TRERF1: variants seen among roughly 807,000 people sequenced by gnomAD.
The protein encoded by TRERF1 is transcriptional-regulating factor 1.
A neutral mutation model predicts 122.9 loss-of-function variants in TRERF1; 27 were observed. That is an observed-to-expected ratio of 0.22 (90% CI 0.16 to 0.30). TRERF1 has a LOEUF of 0.30. Ranked by LOEUF, TRERF1 falls within the 10% of genes least tolerant of loss-of-function variation. The pLI is 1.00. For missense variants in TRERF1, 1,248 were observed against 1,560.3 expected, an observed-to-expected ratio of 0.80 and a Z score of 3.37; for synonymous variants, 636 against 641.7, an observed-to-expected ratio of 0.99 and a Z score of 0.13.
chr6:42,285,203 T>C (rs1277599348), intron 4 of TRERF1, among the ~76,000 whole-genome samples: 1 of 152,162 alleles, frequency 6.6e-6, no homozygotes, highest in Non-Finnish European at 1.5e-5. Context: ...TTCACATCCC[T>C]TGTAAGTTGG....
At chr6:42,250,208 T>C (rs1298932430) in intron 13 of TRERF1, among the ~76,000 whole-genome samples, 1 of 152,176 alleles carries the variant, frequency 6.6e-6, no homozygotes, top group Non-Finnish European at 1.5e-5. Context: ...GTTTTGAACC[T>C]TCACTGGCCA....
intron 13 of TRERF1, among the ~76,000 whole-genome samples, chr6:42,249,525 G>A (rs2149660895): frequency 6.6e-6 from 1 of 152,274 alleles, no homozygotes; most frequent in African/African-American, 2.4e-5. Context: ...AACCTCGTGG[G>A]GGAAGGAGAC....
chr6:42,311,345 A>C (rs1182447368), intron 3 of TRERF1, among the ~76,000 whole-genome samples: 1 of 152,136 alleles, frequency 6.6e-6, no homozygotes, highest in East Asian at 1.9e-4. Flanking sequence ...CAGGTGACTC[A>C]GGGAAGGAAG....
chr6:42,369,961 C>T (rs1043017853), intron 2 of TRERF1, among the ~76,000 whole-genome samples: 2 of 152,198 alleles, frequency 1.3e-5, no homozygotes, highest in African/African-American at 4.8e-5. Flanking sequence ...CTACCCTTCA[C>T]CTTCCTCCTG....
intron 2 of TRERF1, among the ~76,000 whole-genome samples, chr6:42,438,526 C>T (rs1273628908): frequency 6.6e-6 from 1 of 151,054 alleles, no homozygotes; most frequent in Non-Finnish European, 1.5e-5. Flanking sequence ...AGGAGAATTG[C>T]TTGAATCTGG....
chr6:42,335,425 C>A (rs955088320), intron 3 of TRERF1, among the ~76,000 whole-genome samples: 4 of 152,164 alleles, frequency 2.6e-5, no homozygotes, highest in African/African-American at 9.7e-5. Context: ...CGCCACAAGA[C>A]AATTCTGGCA....
At chr6:42,349,870 G>T (rs1769073755) in intron 3 of TRERF1, among the ~76,000 whole-genome samples, 1 of 152,116 alleles carries the variant, frequency 6.6e-6, no homozygotes, top group Admixed American at 6.5e-5. Context: ...AATTACTCAG[G>T]TCCTGCAGTA....
chr6:42,238,834 T>TACAC (rs1561800049), intron 15 of TRERF1, among the ~76,000 whole-genome samples: 965 of 69,518 alleles, frequency 0.014, 12 homozygotes, highest in African/African-American at 0.04. Flanking sequence ...AATCATGCAT[T>TACAC]TCACACACAC....
At chr6:42,371,443 G>T (rs1773741910) in intron 2 of TRERF1, among the ~76,000 whole-genome samples, 1 of 152,128 alleles carries the variant, frequency 6.6e-6, no homozygotes, top group Admixed American at 6.5e-5. Context: ...AGAGAAAAAA[G>T]AAATGAGATT....
intron 2 of TRERF1, among the ~76,000 whole-genome samples, chr6:42,447,406 G>A (rs1582300210): frequency 1.3e-5 from 2 of 152,198 alleles, no homozygotes; most frequent in South Asian, 2.1e-4. Flanking sequence ...TTGTGGCAAC[G>A]CACGCCAGTA....
intron 16 of TRERF1, among the ~76,000 whole-genome samples, 166 bp downstream of exon 16, chr6:42,236,039 A>G (rs1384297428): frequency 6.6e-6 from 1 of 152,248 alleles, no homozygotes; most frequent in Non-Finnish European, 1.5e-5. Context: ...CACTCTGTAA[A>G]TACCTGTTGG....
chr6:42,388,080 C>T (rs1777105430), intron 2 of TRERF1, among the ~76,000 whole-genome samples: 1 of 152,208 alleles, frequency 6.6e-6, no homozygotes, highest in African/African-American at 2.4e-5. Flanking sequence ...AGCCACTGCA[C>T]CCAGCCCAAG....
chr6:42,253,240 T>C (rs1054905729), intron 13 of TRERF1, among the ~76,000 whole-genome samples: 1 of 152,220 alleles, frequency 6.6e-6, no homozygotes, highest in African/African-American at 2.4e-5. Context: ...AGGAGAGCTG[T>C]ATCCCAGATG....
intron 3 of TRERF1, among the ~76,000 whole-genome samples, chr6:42,321,254 C>T (rs1443422698): frequency 6.6e-6 from 1 of 151,404 alleles, no homozygotes; most frequent in Non-Finnish European, 1.5e-5. Flanking sequence ...CATTTGAGAT[C>T]CAGGAAGCAG....
At chr6:42,392,695 T>C (rs1367440428) in intron 2 of TRERF1, among the ~76,000 whole-genome samples, 1 of 152,206 alleles carries the variant, frequency 6.6e-6, no homozygotes, top group Non-Finnish European at 1.5e-5. Flanking sequence ...GGTTGCTTTA[T>C]GGGTCTCTGA....
intron 3 of TRERF1, among the ~76,000 whole-genome samples, chr6:42,353,560 C>A (rs982815155): frequency 1.3e-5 from 2 of 151,926 alleles, no homozygotes; most frequent in African/African-American, 4.8e-5. Context: ...TGCACTCTAG[C>A]CTGGGCAACA....
At chr6:42,253,598 G>A (rs1010923985) in intron 13 of TRERF1, among the ~76,000 whole-genome samples, 5 of 152,208 alleles carry the variant, frequency 3.3e-5, no homozygotes, top group Non-Finnish European at 5.9e-5. Flanking sequence ...CACCGGAGAA[G>A]TGATGAATTT....
Position 42,228,246 on chromosome 6 carries a change from A to T in TRERF1, c.*99T>A. 1 of 992,824 alleles carries T rather than the reference A, an allele frequency of 1.0e-6. No homozygotes were observed. Among genetic ancestry groups the T allele is most frequent in the Non-Finnish European group, 1.4e-6 (1 of 697,722 alleles). The allele number at this position is 992,824 out of a possible 1,614,324, so 61.5% of individuals were successfully genotyped here. A position where few individuals can be genotyped will look rare whatever the true frequency, so the allele number is the denominator to read the frequency against. On this transcript the variant is annotated 3_prime_UTR_variant, in exon 18 of 18. Transcript: ENST00000372922. This position sits in a 1 kb window ranked among gnomAD's most constrained non-coding sequence, Gnocchi z 4.2. The stretch of plus-strand genomic sequence containing the variant: ...TAAAATGACCACTTTTAAAACAGGT[A>T]GTTTAAAAGGGTTACAAAACAAGCA...
At chr6:42,278,096 G>T (rs35837067) in intron 4 of TRERF1, among the ~76,000 whole-genome samples, 1 of 152,008 alleles carries the variant, frequency 6.6e-6, no homozygotes, top group Non-Finnish European at 1.5e-5. Context: ...TAATTGAAGC[G>T]AAGTTTTTCT....
Sources: allele counts gnomAD v4.1 joint callset (sites outside exome capture counted in the v4.1 genomes callset), GRCh38; gene constraint gnomAD v4.1.1; non-coding constraint Gnocchi (gnomAD v3.1); transcripts MANE v1.5; gene names NCBI Gene and HGNC (gene_info 2026-07-23, HGNC 2026-07-21).